The following ULK4 variants were observed in gnomAD, a reference collection of about 807,000 sequenced individuals.
ULK4 encodes unc-51 like kinase 4.
Under a neutral mutation model 160.6 loss-of-function variants are expected in ULK4, and 133 were observed. The observed-to-expected ratio is 0.83, with a 90% confidence interval of 0.72 to 0.96. The LOEUF is 0.96. Among genes scored for constraint, ULK4 ranks in the 40% least tolerant of loss-of-function variants. ULK4 has a pLI of 0.00. For synonymous variants in ULK4, 534 were observed against 539.8 expected, an observed-to-expected ratio of 0.99 and a Z score of 0.15; for missense variants, 1,580 against 1,499.5, an observed-to-expected ratio of 1.05 and a Z score of -0.89.
intron 16 of ULK4, among the ~76,000 whole-genome samples, chr3:41,889,665 T>C (rs1697846623): frequency 6.6e-6 from 1 of 152,188 alleles, no homozygotes; most frequent in African/African-American, 2.4e-5. Context: ...CAAATCTGTA[T>C]TATGTACCCC....
At chr3:41,535,251 G>A (rs554462804) in intron 32 of ULK4, among the ~76,000 whole-genome samples, 20 of 152,168 alleles carry the variant, frequency 1.3e-4, no homozygotes, top group African/African-American at 3.9e-4. Flanking sequence ...TAATTATGTC[G>A]CAGCTATTAC....
intron 34 of ULK4, among the ~76,000 whole-genome samples, chr3:41,433,180 T>G (rs1266291959): frequency 6.6e-6 from 1 of 152,058 alleles, no homozygotes; most frequent in African/African-American, 2.4e-5. Context: ...TGAGCAAGGG[T>G]TACACTAAAG....
At chr3:41,496,711 T>C (rs768900695) in intron 32 of ULK4, among the ~76,000 whole-genome samples, 1 of 152,072 alleles carries the variant, frequency 6.6e-6, no homozygotes, top group African/African-American at 2.4e-5. Context: ...GCTGTTGAGT[T>C]GAACAGAGAT....
intron 35 of ULK4, among the ~76,000 whole-genome samples, chr3:41,285,615 T>C (rs979047173): frequency 3.3e-5 from 5 of 152,108 alleles, no homozygotes; most frequent in Non-Finnish European, 7.3e-5. Context: ...AGGCGAGTGA[T>C]AAAAGACTAC....
At chr3:41,958,383 A>G (rs1700552234) in intron 1 of ULK4, among the ~76,000 whole-genome samples, 1 of 152,140 alleles carries the variant, frequency 6.6e-6, no homozygotes, top group Admixed American at 6.6e-5. Context: ...AAATTTTTTA[A>G]GACTTCAAAA....
chr3:41,851,812 C>T (rs1471349544), intron 17 of ULK4, among the ~76,000 whole-genome samples: 3 of 152,072 alleles, frequency 2.0e-5, no homozygotes, highest in East Asian at 1.9e-4. Context: ...CTAAAATTGA[C>T]ACCCTAACAT....
At chr3:41,828,640 T>A (rs1202678965) in intron 18 of ULK4, among the ~76,000 whole-genome samples, 9 of 149,154 alleles carry the variant, frequency 6.0e-5, no homozygotes, top group Non-Finnish European at 1.3e-4. Context: ...TCAATGAAAT[T>A]AAAGAGGATA....
In ULK4 at chr3:41,755,307, G is replaced by T. The variant is rs549486668; in HGVS notation, c.2194-819C>A. Among the ~76,000 whole-genome samples, 4 of 152,130 alleles carry T rather than the reference G, an allele frequency of 2.6e-5. No homozygotes were observed. The South Asian group carries it at 8.3e-4, about 32-fold the overall frequency. ...CTCATTTTTTTTTGGCCACACTCCA[G>T]TCCTTTTCTATTTGGTGCTATGTTT... On this transcript the variant is annotated intron_variant, in intron 21 of 36. Transcript: ENST00000301831.
intron 32 of ULK4, among the ~76,000 whole-genome samples, chr3:41,564,032 T>C (rs2087697833): frequency 6.6e-6 from 1 of 152,192 alleles, no homozygotes; most frequent in Admixed American, 6.5e-5. Flanking sequence ...TGGTGACCTA[T>C]AGATAGGGTT....
Position 41,506,767 on chromosome 3 carries a change from A to AAAAAAAAAAAAAAATAT in ULK4, c.3227-43515_3227-43514insATATTTTTTTTTTTTTT. Among the ~76,000 whole-genome samples, 54 of 56,796 alleles carry AAAAAAAAAAAAAAATAT rather than the reference A, an allele frequency of 9.5e-4. 5 individuals carry two copies. Among genetic ancestry groups the AAAAAAAAAAAAAAATAT allele is most frequent in the African/African-American group, 4.1e-3 (50 of 12,250 alleles). 37.3% of individuals were successfully genotyped at this position (56,796 alleles called of 152,430 possible). ...AGCAATACACTGGAGTGTGATTTAAAATATATATATATATATATATATATA... is the reference window on the plus strand; with the variant it reads ...AGCAATACACTGGAGTGTGATTTAAAAAAAAAAAAAAAAATATATATATATATATATATATATATATA... On this transcript the variant is annotated intron_variant, in intron 32 of 36. Transcript: ENST00000301831.
chr3:41,261,633 A>T (rs1177937322), intron 35 of ULK4, among the ~76,000 whole-genome samples: 5 of 152,146 alleles, frequency 3.3e-5, no homozygotes, highest in African/African-American at 1.2e-4. Context: ...TCTCTTGTAA[A>T]TTGCATAGCG....
At chr3:41,363,928 C>G (rs2081198687) in intron 35 of ULK4, among the ~76,000 whole-genome samples, 1 of 135,212 alleles carries the variant, frequency 7.4e-6, no homozygotes, top group South Asian at 2.4e-4. Flanking sequence ...TCCAAATTCT[C>G]TCTCTTTTTT....
chr3:41,904,459 T>C (rs762663711), intron 12 of ULK4, among the ~76,000 whole-genome samples: 11 of 152,088 alleles, frequency 7.2e-5, no homozygotes, highest in Non-Finnish European at 1.5e-4. Flanking sequence ...AATAGATAGA[T>C]AGATAGATAT....
chr3:41,677,199 G>A (rs974296664), intron 29 of ULK4, among the ~76,000 whole-genome samples: 5 of 151,768 alleles, frequency 3.3e-5, no homozygotes, highest in African/African-American at 9.7e-5. Context: ...GTGAGCCGGT[G>A]TACCCAGCAG....
intron 30 of ULK4, among the ~76,000 whole-genome samples, chr3:41,657,023 T>C (rs2034960082): frequency 6.6e-6 from 1 of 152,176 alleles, no homozygotes; most frequent in South Asian, 2.1e-4. Flanking sequence ...AAAAGGGCAG[T>C]GCTCAGGGGA....
intron 33 of ULK4, among the ~76,000 whole-genome samples, chr3:41,456,377 T>C (rs1440266663): frequency 6.8e-6 from 1 of 146,154 alleles, no homozygotes; most frequent in Non-Finnish European, 1.5e-5. Context: ...AGCATATTTA[T>C]GCACATGATA....
At chr3:41,402,506 C>A (rs1008304830) in intron 34 of ULK4, among the ~76,000 whole-genome samples, 1 of 151,982 alleles carries the variant, frequency 6.6e-6, no homozygotes, top group African/African-American at 2.4e-5. Flanking sequence ...TCATAGATGC[C>A]CTTTATCAGG....
intron 32 of ULK4, among the ~76,000 whole-genome samples, chr3:41,483,165 A>G (rs2084387850): frequency 1.3e-5 from 2 of 152,100 alleles, no homozygotes; most frequent in Non-Finnish European, 2.9e-5. Context: ...CCTACCTCCC[A>G]CTACCCTTCC....
chr3:41,958,468 G>A (rs1361506933), intron 1 of ULK4, among the ~76,000 whole-genome samples: 1 of 151,514 alleles, frequency 6.6e-6, no homozygotes, highest in African/African-American at 2.4e-5. Flanking sequence ...TTGGGAGGTC[G>A]AGTCGGACGG....
Sources: gnomAD v4.1 joint callset for allele counts (sites outside exome capture counted in the v4.1 genomes callset) on GRCh38, gnomAD v4.1.1 for gene constraint, MANE v1.5 for transcripts, NCBI Gene and HGNC (gene_info 2026-07-23, HGNC 2026-07-21) for gene names.